Variants in TSPAN5 observed in about 807,000 individuals in gnomAD.
TSPAN5 encodes tetraspanin 5, also known as tetraspanin-5.
Under a neutral mutation model 37.1 loss-of-function variants are expected in TSPAN5, and 10 were observed. The ratio of observed to expected loss-of-function variants is 0.27; its 90% CI spans 0.17 to 0.46. TSPAN5 has a LOEUF of 0.46. Ranked by LOEUF, TSPAN5 falls within the 20% of genes least tolerant of loss-of-function variation. The probability of loss-of-function intolerance (pLI) is 1.00; values close to 1 mark genes in which losing one functional copy is unlikely to be tolerated. For synonymous variants in TSPAN5, 110 were observed against 118.9 expected (o/e 0.93, Z 0.48); for missense variants, 195 against 326.6 (o/e 0.60, Z 3.11).
intron 1 of TSPAN5, among the ~76,000 whole-genome samples, chr4:98,626,389 G>A (rs537471573): frequency 5.3e-4 from 80 of 152,136 alleles, no homozygotes; most frequent in Middle Eastern, 3.4e-3. Flanking sequence ...TGCTTATTCC[G>A]TAAACAACAA....
chr4:98,608,294 C>T (rs1462169323), intron 1 of TSPAN5, among the ~76,000 whole-genome samples: 1 of 152,080 alleles, frequency 6.6e-6, no homozygotes, highest in African/African-American at 2.4e-5. Flanking sequence ...TTTTAAAAGC[C>T]ATGGAACTTC....
At chr4:98,587,473 G>C (rs1755517899) in intron 1 of TSPAN5, among the ~76,000 whole-genome samples, 1 of 152,154 alleles carries the variant, frequency 6.6e-6, no homozygotes, top group Admixed American at 6.5e-5. Flanking sequence ...GCTCCATGAA[G>C]ACTGAACATA....
At chr4:98,478,443 C>T (rs1752754879) in intron 5 of TSPAN5, among the ~76,000 whole-genome samples, 1 of 152,132 alleles carries the variant, frequency 6.6e-6, no homozygotes, top group South Asian at 2.1e-4. Context: ...TAGGAATGTG[C>T]CCAACTTAAA....
intron 1 of TSPAN5, among the ~76,000 whole-genome samples, chr4:98,608,832 C>T (rs1208371153): frequency 6.6e-6 from 1 of 152,142 alleles, no homozygotes; most frequent in Non-Finnish European, 1.5e-5. Context: ...ACTAAGTCCA[C>T]AACCTTATAC....
intron 1 of TSPAN5, among the ~76,000 whole-genome samples, chr4:98,551,018 C>T (rs1447433907): frequency 1.3e-5 from 2 of 152,032 alleles, no homozygotes; most frequent in East Asian, 3.9e-4. Context: ...GTAGGTTTGT[C>T]ATATATGGCC....
chr4:98,615,658 T>TAA (rs1756309022), intron 1 of TSPAN5, among the ~76,000 whole-genome samples: 1 of 152,192 alleles, frequency 6.6e-6, no homozygotes, highest in African/African-American at 2.4e-5. Flanking sequence ...CTGTCTCTAC[T>TAA]AAAAATACCA....
chr4:98,588,679 A>G (rs914247878), intron 1 of TSPAN5, among the ~76,000 whole-genome samples: 2 of 152,206 alleles, frequency 1.3e-5, no homozygotes, highest in African/African-American at 4.8e-5. Context: ...TCCAGTTACG[A>G]TGTTCAAAGA....
intron 1 of TSPAN5, among the ~76,000 whole-genome samples, chr4:98,546,568 C>T (rs1242880538): frequency 6.6e-6 from 1 of 152,130 alleles, no homozygotes; most frequent in East Asian, 1.9e-4. Context: ...ATTTATATCC[C>T]AGTTCATGAC....
chr4:98,631,505 T>C (rs1344245881), intron 1 of TSPAN5, among the ~76,000 whole-genome samples: 1 of 152,048 alleles, frequency 6.6e-6, no homozygotes, highest in African/African-American at 2.4e-5. Context: ...CTATGTCATC[T>C]GGTATCCCTC....
intron 1 of TSPAN5, among the ~76,000 whole-genome samples, chr4:98,651,016 A>G (rs941148809): frequency 6.6e-6 from 1 of 152,226 alleles, no homozygotes; most frequent in East Asian, 1.9e-4. Context: ...GGAATAGGCT[A>G]TTTACATGGT....
At chr4:98,639,320 T>C (rs1756917957) in intron 1 of TSPAN5, among the ~76,000 whole-genome samples, 1 of 152,124 alleles carries the variant, frequency 6.6e-6, no homozygotes, top group Non-Finnish European at 1.5e-5. Context: ...TATTCTAATC[T>C]AATCTAATCT....
chr4:98,521,844 T>TG (rs898294432), intron 1 of TSPAN5, among the ~76,000 whole-genome samples: 3 of 125,324 alleles, frequency 2.4e-5, no homozygotes, highest in Non-Finnish European at 5.5e-5. Flanking sequence ...TTGTGGGTTC[T>TG]GTTTTTTTTG....
At chr4:98,608,441 C>T (rs1756093028) in intron 1 of TSPAN5, among the ~76,000 whole-genome samples, 2 of 152,290 alleles carry the variant, frequency 1.3e-5, no homozygotes, top group Admixed American at 6.5e-5. Context: ...GAGTCAATCA[C>T]ATGGAGTCCC....
intron 1 of TSPAN5, among the ~76,000 whole-genome samples, chr4:98,576,715 G>A (rs1298866499): frequency 6.6e-6 from 1 of 152,086 alleles, no homozygotes; most frequent in African/African-American, 2.4e-5. Context: ...AAAAGGCCAG[G>A]ACTAAGAATG....
intron 1 of TSPAN5, among the ~76,000 whole-genome samples, chr4:98,547,515 G>A (rs987321763): frequency 3.9e-5 from 6 of 152,062 alleles, no homozygotes; most frequent in Non-Finnish European, 8.8e-5. Flanking sequence ...ATTCATCCTC[G>A]AGCTCAGATT....
intron 1 of TSPAN5, among the ~76,000 whole-genome samples, chr4:98,650,810 T>A (rs769582172): frequency 6.6e-6 from 1 of 152,228 alleles, no homozygotes. Context: ...GAACATCTTA[T>A]TCTGCCAGAG....
intron 1 of TSPAN5, chr4:98,509,767 T>C (rs1753564710): frequency 6.6e-6 from 1 of 152,204 alleles, no homozygotes; most frequent in Non-Finnish European, 1.5e-5. Context: ...AGCACAAAAG[T>C]AAAACAATTC....
Position 98,607,756 on chromosome 4 carries a change from G to A in TSPAN5, c.81+50390C>T, listed in dbSNP as rs540780016. On this transcript the variant is annotated intron_variant, in intron 1 of 7. Coordinates refer to ENST00000305798, the MANE Select transcript of TSPAN5 (RefSeq NM_005723.4). ...ATGGAGTCTCACTCTTGTCACCCAG[G>A]CTGGAGTGCAATGGCGCCATCTCAG... 3.3e-5 allele frequency among the ~76,000 whole-genome samples: 5 copies of A among 151,396 alleles called. No homozygotes were observed. The East Asian group carries it at 9.7e-4, about 29-fold the overall frequency.
intron 1 of TSPAN5, among the ~76,000 whole-genome samples, chr4:98,561,511 A>C (rs1438182771): frequency 6.6e-6 from 1 of 152,266 alleles, no homozygotes; most frequent in Non-Finnish European, 1.5e-5. Context: ...GAAAAAAGCA[A>C]GTAGGTCAAT....
Sources: gnomAD v4.1 joint callset for allele counts (sites outside exome capture counted in the v4.1 genomes callset) on GRCh38, gnomAD v4.1.1 for gene constraint, MANE v1.5 for transcripts, NCBI Gene and HGNC (gene_info 2026-07-23, HGNC 2026-07-21) for gene names.